The following GALNT14 variants were observed in gnomAD, a reference collection of about 807,000 sequenced individuals.
GALNT14 encodes polypeptide N-acetylgalactosaminyltransferase 14, also known as UDP-GalNAc:polypeptide N-acetylgalactosaminyltransferase 14.
Under a neutral mutation model 77.5 loss-of-function variants are expected in GALNT14, and 60 were observed. The observed-to-expected ratio is 0.77, with a 90% CI of 0.63 to 0.96. The LOEUF (loss-of-function observed/expected upper bound fraction) is 0.96, where lower values mean the gene tolerates loss of function less well. GALNT14 is among the 40% of genes least tolerant of loss of function. The probability of loss-of-function intolerance (pLI) is 0.00; values close to 1 mark genes in which losing one functional copy is unlikely to be tolerated. For synonymous variants in GALNT14, 280 were observed against 281.7 expected, an observed-to-expected ratio of 0.99 and a Z score of 0.06; for missense variants, 710 against 731.0, an observed-to-expected ratio of 0.97 and a Z score of 0.33.
At chr2:31,113,868 G>T (rs1677965018) in intron 1 of GALNT14, among the ~76,000 whole-genome samples, 1 of 150,790 alleles carries the variant, frequency 6.6e-6, no homozygotes, top group African/African-American at 2.4e-5. Flanking sequence ...CATACAATGG[G>T]CCCCAGTACA....
At chr2:31,078,390 G>A (rs1193833158) in intron 1 of GALNT14, among the ~76,000 whole-genome samples, 1 of 151,998 alleles carries the variant, frequency 6.6e-6, no homozygotes, top group Non-Finnish European at 1.5e-5. Context: ...CCCTCTTAAT[G>A]GGCCTTCCCC....
chr2:31,107,275 G>A (rs889648902), intron 1 of GALNT14, among the ~76,000 whole-genome samples: 9 of 152,120 alleles, frequency 5.9e-5, no homozygotes, highest in Non-Finnish European at 1.2e-4. Flanking sequence ...ACAAATAAGA[G>A]ATGTTGCTTT....
intron 1 of GALNT14, among the ~76,000 whole-genome samples, chr2:31,137,224 C>T (rs1027752753): frequency 6.6e-6 from 1 of 152,228 alleles, no homozygotes; most frequent in African/African-American, 2.4e-5. Flanking sequence ...CCCTTTCCCC[C>T]TACAGGGCTC....
At chr2:31,015,554 G>C (rs1671299933) in intron 1 of GALNT14, among the ~76,000 whole-genome samples, 1 of 152,012 alleles carries the variant, frequency 6.6e-6, no homozygotes. Flanking sequence ...TGGCAAAAGG[G>C]AAAAAAAGAG....
At chr2:31,066,869 C>G (rs935312925) in intron 1 of GALNT14, among the ~76,000 whole-genome samples, 3 of 152,108 alleles carry the variant, frequency 2.0e-5, no homozygotes, top group Admixed American at 6.5e-5. Flanking sequence ...AGAAAGCTGC[C>G]CAGGCTGTGG....
At chr2:31,028,032 C>T (rs576264359) in intron 1 of GALNT14, among the ~76,000 whole-genome samples, 17 of 152,214 alleles carry the variant, frequency 1.1e-4, no homozygotes, top group African/African-American at 4.1e-4. Context: ...AGGTGTATAA[C>T]GCATGCAAGT....
intron 13 of GALNT14, among the ~76,000 whole-genome samples, chr2:30,916,857 T>C (rs1183980870): frequency 6.6e-6 from 1 of 151,788 alleles, no homozygotes; most frequent in Admixed American, 6.6e-5. Context: ...GATGGGTGGA[T>C]CACGAGGTCA....
intron 6 of GALNT14, 74 bp from the exon 7 acceptor site, chr2:30,945,944 C>T (rs1241522876): frequency 1.2e-5 from 15 of 1,243,632 alleles, no homozygotes; most frequent in East Asian, 7.0e-5. Context: ...GGGATGGCCT[C>T]GTGAGGGTAG....
intron 6 of GALNT14, among the ~76,000 whole-genome samples, chr2:30,951,085 A>G (rs1413022354): frequency 3.9e-5 from 6 of 152,244 alleles, no homozygotes; most frequent in African/African-American, 1.4e-4. Context: ...AATTGAAAAC[A>G]GAGACTCAAA....
chr2:31,134,414 G>A (rs1469481885), intron 1 of GALNT14, among the ~76,000 whole-genome samples: 2 of 152,164 alleles, frequency 1.3e-5, no homozygotes, highest in Non-Finnish European at 2.9e-5. Flanking sequence ...ATGATTACAC[G>A]CTAGGAAAAC....
At chr2:31,070,714 C>T (rs772431752) in intron 1 of GALNT14, among the ~76,000 whole-genome samples, 4 of 152,226 alleles carry the variant, frequency 2.6e-5, no homozygotes, top group Non-Finnish European at 2.9e-5. Flanking sequence ...CAAATTCCAG[C>T]GTGTAGCCAC....
chr2:31,064,526 G>A (rs144276041), intron 1 of GALNT14, among the ~76,000 whole-genome samples: 18 of 152,288 alleles, frequency 1.2e-4, no homozygotes, highest in South Asian at 4.1e-4. Context: ...TCCACTGGAG[G>A]AAACATTTGA....
At chr2:31,095,903 C>T (rs949112793) in intron 1 of GALNT14, among the ~76,000 whole-genome samples, 2 of 152,138 alleles carry the variant, frequency 1.3e-5, no homozygotes, top group African/African-American at 4.8e-5. Flanking sequence ...TATTTATTAT[C>T]CTGCCTAGAT....
At chr2:31,086,560 GA>G (rs562559800) in intron 1 of GALNT14, among the ~76,000 whole-genome samples, 269 of 142,578 alleles carry the variant, frequency 1.9e-3, no homozygotes, top group South Asian at 0.01. Context: ...CTTTCAGTGT[GA>G]AAAAAAAAAA....
At chr2:31,029,623 C>T (rs893186985) in intron 1 of GALNT14, among the ~76,000 whole-genome samples, 1 of 152,178 alleles carries the variant, frequency 6.6e-6, no homozygotes, top group African/African-American at 2.4e-5. Flanking sequence ...CCCTCTCTTT[C>T]CCCTTCCCCG....
At chr2:30,915,138 C>A (rs891017401) in intron 13 of GALNT14, among the ~76,000 whole-genome samples, 2 of 134,400 alleles carry the variant, frequency 1.5e-5, no homozygotes, top group Admixed American at 9.1e-5. Context: ...ATAAAAGCCT[C>A]TTTTGAGAGC....
chr2:30,962,911 G>C (rs999296508), intron 3 of GALNT14, among the ~76,000 whole-genome samples: 1 of 152,214 alleles, frequency 6.6e-6, no homozygotes, highest in Non-Finnish European at 1.5e-5. Context: ...CAACAGGATA[G>C]AGAGTGAAAG....
chr2:31,069,489 A>T (rs1488130056), intron 1 of GALNT14, among the ~76,000 whole-genome samples: 1 of 152,252 alleles, frequency 6.6e-6, no homozygotes, highest in Non-Finnish European at 1.5e-5. Flanking sequence ...CCCATTTTAC[A>T]AATGAAGAAA....
Position 31,138,405 on chromosome 2 carries a change from C to CGCCGCCGCCTTGCCCGCT in GALNT14, c.-337_-320dup, listed in dbSNP as rs1679330860. ...CCGCCACCGCGGCTGCCGCCGCCGC[C>CGCCGCCGCCTTGCCCGCT]GCCGCCGCCTTGCCCGCTGCCGCCG... On this transcript the variant is annotated 5_prime_UTR_variant, in exon 1 of 15. Coordinates refer to ENST00000349752, the MANE Select transcript of GALNT14 (RefSeq NM_024572.4). The CGCCGCCGCCTTGCCCGCT allele has an allele frequency of 1.1e-5, 4 of 359,380 alleles. No individual in the cohort carries two copies. The highest frequency in any genetic ancestry group is 2.0e-5 in the Non-Finnish European group (4 of 200,838). The allele number at this position is 359,380 out of a possible 1,614,324, so 22.3% of individuals were successfully genotyped here. A position where few individuals can be genotyped will look rare whatever the true frequency, so the allele number is the denominator to read the frequency against.
Sources: allele counts gnomAD v4.1 joint callset (sites outside exome capture counted in the v4.1 genomes callset), GRCh38; gene constraint gnomAD v4.1.1; transcripts MANE v1.5; gene names NCBI Gene and HGNC (gene_info 2026-07-23, HGNC 2026-07-21).